Variants in SENP3 observed in about 807,000 individuals in gnomAD.
SENP3 encodes sentrin-specific protease 3.
SENP3 carries 11 observed loss-of-function variants against 66.2 expected under a neutral mutation model. The observed-to-expected ratio is 0.17, with a 90% confidence interval of 0.10 to 0.28. SENP3 has a LOEUF of 0.28. Among genes scored for constraint, SENP3 ranks in the 10% least tolerant of loss-of-function variants. The pLI is 1.00. For missense variants in SENP3, 548 were observed against 743.7 expected (o/e 0.74, Z 3.06); for synonymous variants, 292 against 277.6 (o/e 1.05, Z -0.52).
intron 3 of SENP3, 25 bp from the exon 4 acceptor site, chr17:7,564,934 C>A: frequency 6.2e-7 from 1 of 1,609,952 alleles, no homozygotes. Context: ...GAGGCCTCAC[C>A]CCCTCCTCTC....
At position 7,563,088 on chromosome 17, in the gene SENP3, T is replaced by C; in HGVS notation, c.12T>C (p.Thr4=). The C allele has an allele frequency of 6.6e-7, 1 of 1,510,218 alleles. No homozygotes were observed. The highest frequency in any genetic ancestry group is 8.8e-7 in the Non-Finnish European group (1 of 1,131,414). 93.6% of individuals were successfully genotyped at this position (1,510,218 alleles called of 1,614,324 possible). Residue 4 remains threonine, a synonymous_variant, in exon 2 of 11, where the codon ACT becomes ACC. Coordinates refer to ENST00000321337, the MANE Select transcript of SENP3 (RefSeq NM_015670.6). The stretch of plus-strand genomic sequence containing the variant: ...CAGGGTACTGGAAGATGAAAGAGAC[T>C]ATACAAGGGACCGGGTCCTGGGGGC... MKE[T]IQGTGSWGPE...
intron 2 of SENP3, chr17:7,564,391 C>G (rs1421108988): frequency 2.9e-6 from 2 of 693,122 alleles, no homozygotes; most frequent in Middle Eastern, 2.3e-4. Flanking sequence ...AATCCTTTTT[C>G]TTTCTTCCTG....
chr17:7,570,539 G>A lies in SENP3; in HGVS notation c.1479+46G>A, dbSNP rs1567730535. ...GATGGGCAAAATGTGGGGCGGTGCA[G>A]TGGCAAGGCATTGCAGGAAGAAGGG... On this transcript the variant is annotated intron_variant, in intron 8 of 10. Transcript: ENST00000321337. This position sits in a 1 kb window ranked among gnomAD's most constrained non-coding sequence, Gnocchi z 5.4. 7 of 1,594,664 alleles carry A rather than the reference G, an allele frequency of 4.4e-6. No individual in the cohort carries two copies.
In SENP3 at chr17:7,570,525, T is replaced by C. The variant is rs1464089335; in HGVS notation, c.1479+32T>C. 2 of 1,601,790 alleles carry C rather than the reference T, an allele frequency of 1.2e-6. No individual in the cohort carries two copies. The highest frequency in any genetic ancestry group is 1.7e-5 in the Admixed American group (1 of 58,400). The stretch of plus-strand genomic sequence containing the variant: ...GGGGGTAGGAGAGAGATGGGCAAAA[T>C]GTGGGGCGGTGCAGTGGCAAGGCAT... On this transcript the variant is annotated intron_variant, in intron 8 of 10. Coordinates refer to ENST00000321337, the MANE Select transcript of SENP3 (RefSeq NM_015670.6). The surrounding 1 kb of genome is among the most constrained non-coding windows in gnomAD (Gnocchi z 5.4).
rs1266140123 is a variant in SENP3 at position 7,570,130 on chromosome 17, T to C, written c.1342-226T>C. Among the ~76,000 whole-genome samples the C allele has an allele frequency of 6.6e-6, 1 of 152,182 alleles. No individual in the cohort carries two copies. Among genetic ancestry groups the C allele is most frequent in the Admixed American group, 6.5e-5 (1 of 15,278 alleles). ...AAGTGTGAAAAGCGCCTGCCCATCATGGGTTCTCCAGTGTTCGTTCTGATG... is the reference window on the plus strand; with the variant it reads ...AAGTGTGAAAAGCGCCTGCCCATCACGGGTTCTCCAGTGTTCGTTCTGATG... On this transcript the variant is annotated intron_variant, in intron 7 of 10. Coordinates refer to ENST00000321337, the MANE Select transcript of SENP3 (RefSeq NM_015670.6). The surrounding 1 kb of genome is among the most constrained non-coding windows in gnomAD (Gnocchi z 5.4).
rs2071244117 is a variant in SENP3 at position 7,563,781 on chromosome 17, C to A, written c.705C>A (p.Asp235Glu). The change falls in exon 2 of 11, where the codon GAC (aspartate) becomes GAA (glutamate). Residue 235 changes from aspartate to glutamate, a missense_variant. Coordinates refer to ENST00000321337, the MANE Select transcript of SENP3 (RefSeq NM_015670.6). The part of the protein sequence containing the change: ...GLRWTPKSPL[D>E]PDSGLLSCTL... ...GGTGGACTCCAAAGTCTCCTCTGGA[C>A]CCTGACTCGGGTAAGGTGGGAAAGG... 6.2e-7 allele frequency: 1 copy of A among 1,609,982 alleles called. No homozygotes were observed. The highest frequency in any genetic ancestry group is 1.3e-5 in the African/African-American group (1 of 74,722).
chr17:7,568,537 C>T (rs936712214), intron 7 of SENP3, among the ~76,000 whole-genome samples: 1 of 151,936 alleles, frequency 6.6e-6, no homozygotes, highest in Non-Finnish European at 1.5e-5. Flanking sequence ...TGCAGTGAGC[C>T]GAGATTGTGC....
Position 7,562,929 on chromosome 17 carries a change from C to T in SENP3, c.-11-137C>T. 1 of 1,282,970 alleles carries T rather than the reference C, an allele frequency of 7.8e-7. No individual in the cohort carries two copies. The highest frequency in any genetic ancestry group is 9.9e-7 in the Non-Finnish European group (1 of 1,009,728). The allele number at this position is 1,282,970 out of a possible 1,614,324, so 79.5% of individuals were successfully genotyped here. A position where few individuals can be genotyped will look rare whatever the true frequency, so the allele number is the denominator to read the frequency against. The stretch of plus-strand genomic sequence containing the variant: ...TGTGGACCGCGTTAACCGGGAAGAT[C>T]TTAAGTTAGGAGTTTTGCGTTTTTT... On this transcript the variant is annotated intron_variant, in intron 1 of 10. Coordinates refer to ENST00000321337, the MANE Select transcript of SENP3 (RefSeq NM_015670.6). This position sits in a 1 kb window ranked among gnomAD's most constrained non-coding sequence, Gnocchi z 5.0.
chr17:7,565,104 T>TG (rs2071257703), intron 4 of SENP3, 34 bp downstream of exon 4: 1 of 1,444,626 alleles, frequency 6.9e-7, no homozygotes, highest in Admixed American at 1.8e-5. Flanking sequence ...AAAGAAGGGC[T>TG]GGGGCCTTGG....
intron 6 of SENP3, among the ~76,000 whole-genome samples, chr17:7,566,715 C>T (rs1387004892): frequency 6.6e-6 from 1 of 150,990 alleles, no homozygotes; most frequent in Non-Finnish European, 1.5e-5. Flanking sequence ...CCTATAATCT[C>T]AATGCTCTGG....
chr17:7,566,044 A>AG, intron 6 of SENP3: 1 of 292,784 alleles, frequency 3.4e-6, no homozygotes, highest in East Asian at 1.0e-4. Context: ...AAAAAAAAAA[A>AG]GAAAAAGAAA....
Position 7,571,631 on chromosome 17 carries a change from T to A in SENP3, c.*148T>A. 1 of 581,712 alleles carries A rather than the reference T, an allele frequency of 1.7e-6. No homozygotes were observed. Among genetic ancestry groups the A allele is most frequent in the Non-Finnish European group, 3.0e-6 (1 of 329,644 alleles). 36.0% of individuals were successfully genotyped at this position (581,712 alleles called of 1,614,324 possible). ...TTAAATGTTTCAATTTCTGTATTTTTTTTTCTTTGAGAGAATACTTGTTGA... is the reference window on the plus strand; with the variant it reads ...TTAAATGTTTCAATTTCTGTATTTTATTTTCTTTGAGAGAATACTTGTTGA... On this transcript the variant is annotated 3_prime_UTR_variant, in exon 11 of 11. Coordinates refer to ENST00000321337, the MANE Select transcript of SENP3 (RefSeq NM_015670.6).
chr17:7,571,028 C>T, intron 10 of SENP3, 95 bp downstream of exon 10: 2 of 1,089,708 alleles, frequency 1.8e-6, no homozygotes, highest in Admixed American at 4.5e-5. Flanking sequence ...GGCTCATAGT[C>T]AGTTGTGGAG....
rs893467694 is a variant in SENP3 at position 7,562,784 on chromosome 17, C to T, written c.-11-282C>T. Among the ~76,000 whole-genome samples the T allele has an allele frequency of 5.9e-5, 9 of 152,182 alleles. No homozygotes were observed. The highest frequency in any genetic ancestry group is 2.2e-4 in the African/African-American group (9 of 41,448). ...ATTAAAATAAAGACGTAGAACCTGG[C>T]AGTGCTATTGGGTTTGGCCTGGTGA... is the stretch of plus-strand genomic sequence containing the variant. On this transcript the variant is annotated intron_variant, in intron 1 of 10. Transcript: ENST00000321337. The surrounding 1 kb of genome is among the most constrained non-coding windows in gnomAD (Gnocchi z 5.0).
rs1414571254 is a variant in SENP3 at position 7,565,783 on chromosome 17, G to A, written c.1263+19G>A. 3.7e-6 allele frequency: 6 copies of A among 1,612,584 alleles called. No individual in the cohort carries two copies. The highest frequency in any genetic ancestry group is 5.1e-6 in the Non-Finnish European group (6 of 1,178,740). ...TGAAAAGGTAGGCCCAACCAGATAG[G>A]TCAGTACCCAGAGGAACTTCTGCAG... On this transcript the variant is annotated intron_variant, in intron 6 of 10. Coordinates refer to ENST00000321337, the MANE Select transcript of SENP3 (RefSeq NM_015670.6).
chr17:7,570,503 G>A lies in SENP3; in HGVS notation c.1479+10G>A, dbSNP rs747796501. The A allele has an allele frequency of 1.2e-5, 20 of 1,609,126 alleles. No homozygotes were observed. Among genetic ancestry groups the A allele is most frequent in the South Asian group, 8.8e-5 (8 of 90,884 alleles). On this transcript the variant is annotated intron_variant, in intron 8 of 10. Coordinates refer to ENST00000321337, the MANE Select transcript of SENP3 (RefSeq NM_015670.6). This position sits in a 1 kb window ranked among gnomAD's most constrained non-coding sequence, Gnocchi z 5.4. ...CCGCCGCTGCCCTAAGGTTTGAGGG[G>A]GTAGGAGAGAGATGGGCAAAATGTG...
At position 7,562,947 on chromosome 17, in the gene SENP3, C is replaced by T. The variant is rs909761874; in HGVS notation, c.-11-119C>T. On this transcript the variant is annotated intron_variant, in intron 1 of 10. Transcript: ENST00000321337. This position sits in a 1 kb window ranked among gnomAD's most constrained non-coding sequence, Gnocchi z 5.0. ...GGAAGATCTTAAGTTAGGAGTTTTGCGTTTTTTCCTCTTTTCTTTATTTGC... is the reference window on the plus strand; with the variant it reads ...GGAAGATCTTAAGTTAGGAGTTTTGTGTTTTTTCCTCTTTTCTTTATTTGC... The T allele has an allele frequency of 3.1e-6, 4 of 1,306,174 alleles. No homozygotes were observed. The highest frequency in any genetic ancestry group is 1.5e-5 in the African/African-American group (1 of 65,064). The allele number at this position is 1,306,174 out of a possible 1,614,324, so 80.9% of individuals were successfully genotyped here.
chr17:7,566,423 A>G (rs1013035766), intron 6 of SENP3, among the ~76,000 whole-genome samples: 1 of 150,942 alleles, frequency 6.6e-6, no homozygotes, highest in African/African-American at 2.4e-5. Flanking sequence ...TGGGAGGCCA[A>G]GGCGGGTGGA....
rs762208446 is a variant in SENP3, at chr17:7,563,276, G to A, written c.200G>A (p.Arg67Gln). The A allele has an allele frequency of 6.4e-7, 1 of 1,553,928 alleles. No homozygotes were observed. Among genetic ancestry groups the A allele is most frequent in the South Asian group, 1.2e-5 (1 of 84,280 alleles). Residue 67 changes from arginine to glutamine, a missense_variant, in exon 2 of 11, where the codon CGA (arginine) becomes CAA (glutamine). By Grantham distance (43) the Arg-to-Gln change is conservative. Around this residue, in one of 6 missense-constraint regions of SENP3, gnomAD observed 164 missense variants for 167.9 expected, o/e 0.98. Transcript: ENST00000321337. ...TVPARRLPVP[R>Q]PSFDASASEE... The stretch of plus-strand genomic sequence containing the variant: ...CCAGCCAGACGCCTCCCTGTCCCCC[G>A]ACCCTCTTTTGATGCCTCAGCAAGT...
Sources: allele counts gnomAD v4.1 joint callset (sites outside exome capture counted in the v4.1 genomes callset), GRCh38; gene constraint gnomAD v4.1.1; regional missense constraint gnomAD v4.1.1; non-coding constraint Gnocchi (gnomAD v3.1); transcripts MANE v1.5; gene names NCBI Gene and HGNC (gene_info 2026-07-23, HGNC 2026-07-21).